Variants in SCFD2 observed in about 807,000 individuals in gnomAD.
SCFD2 encodes the protein sec1 family domain-containing protein 2.
A neutral mutation model predicts 58.9 loss-of-function variants in SCFD2; 54 were observed. The observed-to-expected ratio is 0.92, with a 90% CI of 0.74 to 1.15. The LOEUF (loss-of-function observed/expected upper bound fraction) is 1.15, where lower values mean the gene tolerates loss of function less well. Ranked by LOEUF, SCFD2 falls within the 50% of genes most tolerant of loss-of-function variation. SCFD2 has a pLI of 0.00. For missense variants in SCFD2, 805 were observed against 836.6 expected, an observed-to-expected ratio of 0.96 and a Z score of 0.47; for synonymous variants, 321 against 335.9, an observed-to-expected ratio of 0.96 and a Z score of 0.49.
chr4:53,204,061 G>A (rs1728333557), intron 4 of SCFD2, among the ~76,000 whole-genome samples: 1 of 152,064 alleles, frequency 6.6e-6, no homozygotes, highest in African/African-American at 2.4e-5. Flanking sequence ...GGTACTCTTT[G>A]TGGGAATATG....
At chr4:52,877,312 G>C (rs1718496784) in intron 8 of SCFD2, among the ~76,000 whole-genome samples, 1 of 152,140 alleles carries the variant, frequency 6.6e-6, no homozygotes, top group African/African-American at 2.4e-5. Context: ...CTCTGTGGAG[G>C]GGTGAAAAGA....
intron 2 of SCFD2, among the ~76,000 whole-genome samples, chr4:53,340,715 G>A (rs529146366): frequency 9.8e-5 from 15 of 152,314 alleles, no homozygotes; most frequent in Admixed American, 2.0e-4. Context: ...ATTCCCAATA[G>A]GGGGCGACGG....
At chr4:53,255,853 A>C (rs1730596548) in intron 4 of SCFD2, among the ~76,000 whole-genome samples, 2 of 135,182 alleles carry the variant, frequency 1.5e-5, no homozygotes, top group South Asian at 2.4e-4. Context: ...TGACCCCCCC[A>C]CCTCCATCCC....
chr4:53,336,641 T>A (rs531859662), intron 2 of SCFD2, among the ~76,000 whole-genome samples: 1 of 152,254 alleles, frequency 6.6e-6, no homozygotes, highest in Non-Finnish European at 1.5e-5. Context: ...CCTCCCACCT[T>A]AACCTTCTGA....
intron 3 of SCFD2, among the ~76,000 whole-genome samples, chr4:53,281,290 A>G (rs1416640721): frequency 2.0e-5 from 3 of 152,206 alleles, no homozygotes; most frequent in Admixed American, 6.5e-5. Context: ...AAGTGCTCCA[A>G]TTACAAGGTT....
chr4:53,233,603 T>C (rs10517286), intron 4 of SCFD2, among the ~76,000 whole-genome samples: 2,780 of 152,316 alleles, frequency 0.018, 92 homozygotes, highest in African/African-American at 0.063. Flanking sequence ...AGCCTATATA[T>C]TCGACTCTCA....
Position 53,118,183 on chromosome 4 carries a change from A to C in SCFD2, c.1561+27150T>G, listed in dbSNP as rs1423039841. On this transcript the variant is annotated intron_variant, in intron 5 of 8. Transcript: ENST00000401642. ...ACAAGTAAGAAGTAATGTTGCCATTAAACCACAGGCTCTTTGAGGGCAGGG... is the reference window on the plus strand; with the variant it reads ...ACAAGTAAGAAGTAATGTTGCCATTCAACCACAGGCTCTTTGAGGGCAGGG... Among the ~76,000 whole-genome samples the C allele has an allele frequency of 2.0e-5, 3 of 152,206 alleles. No individual in the cohort carries two copies. The East Asian group carries it at 5.8e-4, about 29-fold the overall frequency.
At chr4:52,960,689 C>T (rs994697211) in intron 5 of SCFD2, among the ~76,000 whole-genome samples, 3 of 146,382 alleles carry the variant, frequency 2.0e-5, no homozygotes, top group Non-Finnish European at 3.0e-5. Context: ...TTCTTTTCCA[C>T]GCACCTCATT....
chr4:53,091,890 T>C lies in SCFD2; in HGVS notation c.1561+53443A>G, dbSNP rs182065402. ...TTATAGCTTTTCTTTTAAAAATAAT[T>C]TTATTAATTGATATTATGCTGGAAT... On this transcript the variant is annotated intron_variant, in intron 5 of 8. Coordinates refer to ENST00000401642, the MANE Select transcript of SCFD2 (RefSeq NM_152540.4). Among the ~76,000 whole-genome samples, 32 of 152,302 alleles carry C rather than the reference T, an allele frequency of 2.1e-4. No individual in the cohort carries two copies. In the East Asian group the frequency reaches 6.2e-3, roughly 29 times the overall value.
intron 4 of SCFD2, among the ~76,000 whole-genome samples, chr4:53,216,953 G>T (rs1411758398): frequency 2.0e-5 from 3 of 152,228 alleles, no homozygotes. Flanking sequence ...TAGCTGAGCG[G>T]TTTTGAGTGA....
chr4:53,030,770 T>C (rs1237209202), intron 5 of SCFD2, among the ~76,000 whole-genome samples: 3 of 152,186 alleles, frequency 2.0e-5, no homozygotes, highest in Non-Finnish European at 2.9e-5. Flanking sequence ...TATATGACCC[T>C]GTAATTCCAA....
chr4:53,230,340 C>T (rs548162220), intron 4 of SCFD2, among the ~76,000 whole-genome samples: 2 of 152,068 alleles, frequency 1.3e-5, no homozygotes, highest in Admixed American at 6.6e-5. Context: ...TATTGCGGCA[C>T]TATTCACAAT....
intron 6 of SCFD2, among the ~76,000 whole-genome samples, chr4:52,920,114 G>A (rs1719699311): frequency 6.6e-6 from 1 of 152,038 alleles, no homozygotes; most frequent in Non-Finnish European, 1.5e-5. Flanking sequence ...TATTCCTTAA[G>A]CTTCCCTTTG....
chr4:52,877,255 C>T (rs1718495692), intron 8 of SCFD2, among the ~76,000 whole-genome samples: 1 of 152,162 alleles, frequency 6.6e-6, no homozygotes, highest in African/African-American at 2.4e-5. Flanking sequence ...TAACAGTAAT[C>T]AGCCTACAGC....
chr4:53,039,173 T>A (rs1345840366), intron 5 of SCFD2, among the ~76,000 whole-genome samples: 2 of 152,156 alleles, frequency 1.3e-5, no homozygotes, highest in African/African-American at 4.8e-5. Flanking sequence ...GAAAAAGAGA[T>A]TCAGTCTTCC....
intron 5 of SCFD2, among the ~76,000 whole-genome samples, chr4:52,940,985 C>T (rs1720278194): frequency 1.3e-5 from 2 of 152,100 alleles, no homozygotes; most frequent in African/African-American, 4.8e-5. Context: ...GTCCCCTTTC[C>T]CATGACACCT....
At chr4:53,105,872 A>ACCCC (rs1396468459) in intron 5 of SCFD2, among the ~76,000 whole-genome samples, 1 of 140,396 alleles carries the variant, frequency 7.1e-6, no homozygotes, top group Admixed American at 7.1e-5. Flanking sequence ...TGGGTCCCTG[A>ACCCC]CCCCCCCACC....
At chr4:53,349,596 C>G (rs1431546549) in intron 2 of SCFD2, among the ~76,000 whole-genome samples, 2 of 152,208 alleles carry the variant, frequency 1.3e-5, no homozygotes, top group African/African-American at 4.8e-5. Context: ...TTGCCCATTT[C>G]TAAAGCATCA....
intron 5 of SCFD2, among the ~76,000 whole-genome samples, chr4:53,105,617 T>C (rs1305197415): frequency 6.6e-6 from 1 of 152,190 alleles, no homozygotes; most frequent in African/African-American, 2.4e-5. Flanking sequence ...AAAGCCGCAG[T>C]AGTCAGATTG....
Sources: gnomAD v4.1 joint callset for allele counts (sites outside exome capture counted in the v4.1 genomes callset) on GRCh38, gnomAD v4.1.1 for gene constraint, MANE v1.5 for transcripts, NCBI Gene and HGNC (gene_info 2026-07-23, HGNC 2026-07-21) for gene names.